Variants in PCNT observed in about 807,000 individuals in gnomAD.
PCNT encodes kendrin.
PCNT carries 319 observed loss-of-function variants against 380.4 expected under a neutral mutation model. The ratio of observed to expected loss-of-function variants is 0.84; its 90% confidence interval spans 0.77 to 0.92. The LOEUF (loss-of-function observed/expected upper bound fraction) is 0.92, where lower values mean the gene tolerates loss of function less well. Ranked by LOEUF, PCNT falls within the 40% of genes least tolerant of loss-of-function variation. The pLI is 0.00. For synonymous variants in PCNT, 1,845 were observed against 1,735.2 expected, an observed-to-expected ratio of 1.06 and a Z score of -1.57; for missense variants, 4,400 against 4,255.3, an observed-to-expected ratio of 1.03 and a Z score of -0.95.
At chr21:46,351,985 T>C (rs917297569) in intron 9 of PCNT, among the ~76,000 whole-genome samples, 1 of 152,240 alleles carries the variant, frequency 6.6e-6, no homozygotes, top group Non-Finnish European at 1.5e-5. Context: ...GCAGCTCTGC[T>C]CCAGGTGTCC....
At chr21:46,440,055 A>C (rs921568386) in intron 41 of PCNT, 28 bp from the exon 42 acceptor site, 1 of 1,613,556 alleles carries the variant, frequency 6.2e-7, no homozygotes. Flanking sequence ...GCAGCTCTGT[A>C]GACAGCGCTG....
Position 46,388,805 on chromosome 21 carries a change from C to T in PCNT, c.3528C>T (p.Ala1176=), listed in dbSNP as rs146928526. 26 of 1,613,492 alleles carry T rather than the reference C, an allele frequency of 1.6e-5. No homozygotes were observed. The highest frequency in any genetic ancestry group is 1.7e-4 in the Middle Eastern group (1 of 5,890). The stretch of plus-strand genomic sequence containing the variant: ...TGTTTGGAGAGACGCTGAGGGCAGC[C>T]GTCACCCTGAGGAGCCGGATCGGGG... ...LGLFGETLRA[A]VTLRSRIGER... The change falls in exon 18 of 47, where the codon GCC becomes GCT. Residue 1176 remains alanine, a synonymous_variant. Transcript: ENST00000359568. The surrounding 1 kb of genome is among the most constrained non-coding windows in gnomAD (Gnocchi z 4.2).
intron 10 of PCNT, 151 bp downstream of exon 10, chr21:46,353,477 C>T (rs777299801): frequency 2.7e-6 from 2 of 752,676 alleles, no homozygotes; most frequent in Non-Finnish European, 2.3e-6. Flanking sequence ...AAAGATGACA[C>T]AGGCACGGGC....
intron 10 of PCNT, among the ~76,000 whole-genome samples, chr21:46,353,622 G>A (rs567328718): frequency 6.6e-6 from 1 of 151,314 alleles, no homozygotes; most frequent in Admixed American, 6.6e-5. Flanking sequence ...CAGTGGGCAC[G>A]CTCTTGTCCA....
intron 30 of PCNT, among the ~76,000 whole-genome samples, chr21:46,417,788 T>C (rs781574027): frequency 1.3e-5 from 2 of 152,028 alleles, no homozygotes; most frequent in Non-Finnish European, 2.9e-5. Flanking sequence ...CCATGGTCCC[T>C]GCTCTTCAGG....
chr21:46,441,141 C>T, intron 43 of PCNT, 57 bp downstream of exon 43: 5 of 1,052,536 alleles, frequency 4.8e-6, no homozygotes, highest in Non-Finnish European at 7.5e-6. Context: ...GAGTGGGCAG[C>T]ACACTGCATG....
chr21:46,439,207 G>C (rs889570724), intron 41 of PCNT, among the ~76,000 whole-genome samples: 1 of 152,092 alleles, frequency 6.6e-6, no homozygotes, highest in Admixed American at 6.5e-5. Flanking sequence ...ACCATTCACA[G>C]AGCACACAGC....
Position 46,363,750 on chromosome 21 carries a change from G to A in PCNT, c.2425G>A (p.Asp809Asn), listed in dbSNP as rs1386656531. 6.2e-7 allele frequency: 1 copy of A among 1,614,196 alleles called. No homozygotes were observed. The highest frequency in any genetic ancestry group is 8.5e-7 in the Non-Finnish European group (1 of 1,180,032). The change falls in exon 14 of 47, where the codon GAT becomes AAT. Residue 809 changes from aspartate (D) to asparagine (N), a missense_variant. Coordinates refer to ENST00000359568, the MANE Select transcript of PCNT (RefSeq NM_006031.6). ...LQDQQAAQIL[D>N]LERSLTEQQG... is the part of the protein sequence containing the mutation. The stretch of plus-strand genomic sequence containing the variant: ...GGACCAACAGGCAGCCCAGATCCTG[G>A]ATCTGGAGAGGTCCTTGACGGAGCA...
intron 15 of PCNT, among the ~76,000 whole-genome samples, chr21:46,369,551 C>T (rs1464262214): frequency 1.3e-5 from 2 of 152,230 alleles, no homozygotes; most frequent in Non-Finnish European, 2.9e-5. Flanking sequence ...AGCACTTGTT[C>T]CCAAGCTGTG....
chr21:46,387,149 A>G lies in PCNT; in HGVS notation c.3464+1166A>G, dbSNP rs2085866398. Among the ~76,000 whole-genome samples the G allele has an allele frequency of 2.6e-5, 4 of 152,324 alleles. No individual in the cohort carries two copies. In the South Asian group the frequency reaches 8.3e-4, roughly 32 times the overall value. On this transcript the variant is annotated intron_variant, in intron 17 of 46. Transcript: ENST00000359568. The stretch of plus-strand genomic sequence containing the variant: ...AGGGTCCGGAGACCAGGTCGGGCTT[A>G]TGGGACCCTCTGAGCTCACAGCTGT...
At chr21:46,324,438 C>T (rs2083287250) in intron 1 of PCNT, among the ~76,000 whole-genome samples, 156 bp downstream of exon 1, 1 of 151,890 alleles carries the variant, frequency 6.6e-6, no homozygotes, top group Admixed American at 6.5e-5. Flanking sequence ...GAAGCCGCCT[C>T]CTGGCCGCCG....
intron 21 of PCNT, among the ~76,000 whole-genome samples, chr21:46,392,740 C>G (rs1013269003): frequency 1.3e-5 from 2 of 152,218 alleles, no homozygotes; most frequent in Non-Finnish European, 2.9e-5. Context: ...ATGTTTTAAA[C>G]TCTGCCTATG....
Position 46,412,868 on chromosome 21 carries a change from A to G in PCNT, c.6026A>G (p.Lys2009Arg). 2 of 1,612,712 alleles carry G rather than the reference A, an allele frequency of 1.2e-6. No homozygotes were observed. The highest frequency in any genetic ancestry group is 1.7e-6 in the Non-Finnish European group (2 of 1,180,018). The change falls in exon 29 of 47, where the codon AAG becomes AGG. Residue 2009 changes from lysine to arginine, a missense_variant. By Grantham distance (26) the Lys-to-Arg change is conservative (BLOSUM62 2). Transcript: ENST00000359568. ...CTGCAGCCTGTCCTGGTGACGTTGA[A>G]GGATGCACCTCTCTGCAAGCAAGAA... The part of the protein sequence containing the change: ...GDLQPVLVTL[K>R]DAPLCKQEGV...
chr21:46,352,201 A>G (rs1242466003), intron 9 of PCNT, among the ~76,000 whole-genome samples: 1 of 152,226 alleles, frequency 6.6e-6, no homozygotes. Flanking sequence ...TTTTGGCCCA[A>G]CTTGTCCTTG....
Position 46,440,145 on chromosome 21 carries a change from A to G in PCNT, c.9336A>G (p.Pro3112=), listed in dbSNP as rs1457578060. 6.2e-7 allele frequency: 1 copy of G among 1,614,154 alleles called. No individual in the cohort carries two copies. Among genetic ancestry groups the G allele is most frequent in the Non-Finnish European group, 8.5e-7 (1 of 1,180,014 alleles). Residue 3112 remains proline (P), a synonymous_variant, in exon 42 of 47, where the codon CCA becomes CCG. Transcript: ENST00000359568. The part of the protein sequence containing the change: ...ETAPQSSLRR[P]DPGRLPPAAS... ...CTCCACAGAGTTCCCTGAGGCGCCC[A>G]GACCCCGGCCGGCTTCCACCAGCTG...
chr21:46,441,132 A>C, intron 43 of PCNT, 48 bp downstream of exon 43: 1 of 1,140,306 alleles, frequency 8.8e-7, no homozygotes, highest in East Asian at 2.3e-5. Context: ...TGTCTCCGTG[A>C]GTGGGCAGCA....
intron 3 of PCNT, among the ~76,000 whole-genome samples, chr21:46,345,718 G>A (rs2084044135): frequency 6.6e-6 from 1 of 152,152 alleles, no homozygotes; most frequent in South Asian, 2.1e-4. Flanking sequence ...AAGGAAGCCC[G>A]GTGCTCGCGG....
intron 35 of PCNT, among the ~76,000 whole-genome samples, chr21:46,428,886 C>T (rs968275408): frequency 6.6e-6 from 1 of 152,196 alleles, no homozygotes. Context: ...TCAGGAATGT[C>T]TCGTAGGTTT....
chr21:46,383,177 T>C (rs2085650392), intron 16 of PCNT, among the ~76,000 whole-genome samples: 1 of 147,248 alleles, frequency 6.8e-6, no homozygotes. Context: ...TTCACAGTGT[T>C]GTATATTCAG....
Sources: allele counts gnomAD v4.1 joint callset (sites outside exome capture counted in the v4.1 genomes callset), GRCh38; gene constraint gnomAD v4.1.1; non-coding constraint Gnocchi (gnomAD v3.1); transcripts MANE v1.5; gene names NCBI Gene and HGNC (gene_info 2026-07-23, HGNC 2026-07-21).